FLYWCH1: variants seen among roughly 807,000 people sequenced by gnomAD.
FLYWCH1 encodes the protein FLYWCH-type zinc finger-containing protein 1.
In FLYWCH1, 75 loss-of-function variants were observed where a neutral mutation model predicts 66.4. That is an observed-to-expected ratio of 1.13 (90% CI 0.94 to 1.37). The LOEUF is 1.37. Ranked by LOEUF, FLYWCH1 falls within the 40% of genes most tolerant of loss-of-function variation. FLYWCH1 has a pLI of 0.00. For missense variants in FLYWCH1, 1,334 were observed against 1,001.8 expected (o/e 1.33, Z -4.48); for synonymous variants, 595 against 429.9 (o/e 1.38, Z -4.75).
rs145780938 is a variant in FLYWCH1 at position 2,923,803 on chromosome 16, T to A, written c.-73-5810T>A. ...CTGTAATCCCCGCACTTTGGAAGGC[T>A]GAGGCGGGTGGATCACTTGAGGTCA... On this transcript the variant is annotated intron_variant, in intron 2 of 9. Coordinates refer to ENST00000253928, the MANE Select transcript of FLYWCH1 (RefSeq NM_001308068.2). 6.9e-3 allele frequency among the ~76,000 whole-genome samples: 1,047 copies of A among 152,128 alleles called. 12 individuals carry two copies. Among genetic ancestry groups the A allele is most frequent in the African/African-American group, 0.024 (1,007 of 41,518 alleles).
rs1480055770 is a variant in FLYWCH1 at position 2,937,202 on chromosome 16, C to T, written c.1595C>T (p.Ala532Val). 7.2e-6 allele frequency: 11 copies of T among 1,518,124 alleles called. No individual in the cohort carries two copies. Among genetic ancestry groups the T allele is most frequent in the African/African-American group, 1.6e-5 (1 of 63,216 alleles). The allele number at this position is 1,518,124 out of a possible 1,614,324, so 94.0% of individuals were successfully genotyped here. ...ESFLYRREKA[A>V]GEKVYWTCRD... is the part of the protein sequence containing the mutation. ...TTCCTCTACCGGCGGGAGAAGGCGG[C>T]CGGGGAGAAGGTGTATTGGACCTGC... The change falls in exon 7 of 10, where the codon GCC becomes GTC. Residue 532 changes from alanine (A) to valine (V), a missense_variant. By Grantham distance (64) the Ala-to-Val change is moderately conservative (BLOSUM62 0). Transcript: ENST00000253928.
intron 2 of FLYWCH1, among the ~76,000 whole-genome samples, chr16:2,919,704 ACT>A (rs2070301810): frequency 6.6e-6 from 1 of 152,122 alleles, no homozygotes; most frequent in South Asian, 2.1e-4. Flanking sequence ...TCGAAGTACT[ACT>A]TTTTGTAAAT....
intron 2 of FLYWCH1, 43 bp from the exon 3 acceptor site, chr16:2,929,570 C>A (rs11640057): frequency 0.043 from 58,416 of 1,351,262 alleles, 1,508 homozygotes; most frequent in Middle Eastern, 0.079. Flanking sequence ...CTAGAGTCCC[C>A]CAAGGGCTTC....
chr16:2,936,989 T>G, intron 6 of FLYWCH1, 132 bp from the exon 7 acceptor site: 1 of 875,846 alleles, frequency 1.1e-6, no homozygotes, highest in Non-Finnish European at 1.5e-6. Flanking sequence ...GTGGCATCTG[T>G]GTCCTGGGCT....
At chr16:2,919,993 G>A (rs1171198972) in intron 2 of FLYWCH1, among the ~76,000 whole-genome samples, 1 of 152,130 alleles carries the variant, frequency 6.6e-6, no homozygotes, top group Non-Finnish European at 1.5e-5. Flanking sequence ...TACAGTAGCA[G>A]ACATGATTGA....
At position 2,948,965 on chromosome 16, in the gene FLYWCH1, G is replaced by T. The variant is rs1596412460; in HGVS notation, c.*238G>T. ...TGCAGACGCAGCTGTCGTGGGGCAG[G>T]GCGGTGGCGCCTTCCTGACCTTTGG... is the stretch of plus-strand genomic sequence containing the variant. On this transcript the variant is annotated 3_prime_UTR_variant, in exon 10 of 10. Coordinates refer to ENST00000253928, the MANE Select transcript of FLYWCH1 (RefSeq NM_001308068.2). 2.2e-5 allele frequency: 12 copies of T among 536,648 alleles called. No homozygotes were observed. In the East Asian group the frequency reaches 3.8e-4, roughly 17 times the overall value. 33.2% of individuals were successfully genotyped at this position (536,648 alleles called of 1,614,324 possible).
rs991360445 is a variant in FLYWCH1 at position 2,934,053 on chromosome 16, C to T, written c.1513+74C>T. The T allele has an allele frequency of 5.6e-6, 8 of 1,424,370 alleles. No individual in the cohort carries two copies. The Admixed American group carries it at 2.1e-4, about 37-fold the overall frequency. 88.2% of individuals were successfully genotyped at this position (1,424,370 alleles called of 1,614,324 possible). On this transcript the variant is annotated intron_variant, in intron 6 of 9. Transcript: ENST00000253928. The stretch of plus-strand genomic sequence containing the variant: ...CCCACACTGCCTTTCCCTCTCCATG[C>T]TGCGGCTCCCCCTGGCAAACGTCCT...
chr16:2,931,305 T>TAAAAAAAAA (rs150704073), intron 4 of FLYWCH1, among the ~76,000 whole-genome samples: 1 of 87,466 alleles, frequency 1.1e-5, no homozygotes, highest in African/African-American at 4.8e-5. Context: ...TCCATCTCAG[T>TAAAAAAAAA]AAAAAAAAAA....
chr16:2,930,081 C>T (rs2070708886), intron 3 of FLYWCH1, 71 bp downstream of exon 3: 1 of 1,331,762 alleles, frequency 7.5e-7, no homozygotes, highest in Non-Finnish European at 1.0e-6. Context: ...CCCTGTACAC[C>T]CTGCTTCAAG....
Position 2,912,168 on chromosome 16 carries a change from C to T in FLYWCH1, c.-188+14C>T, listed in dbSNP as rs1190366923. The T allele has an allele frequency of 6.6e-6, 1 of 152,216 alleles. No individual in the cohort carries two copies. The highest frequency in any genetic ancestry group is 1.5e-5 in the Non-Finnish European group (1 of 68,056). 9.4% of individuals were successfully genotyped at this position (152,216 alleles called of 1,614,324 possible). On this transcript the variant is annotated intron_variant, in intron 1 of 9. Coordinates refer to ENST00000253928, the MANE Select transcript of FLYWCH1 (RefSeq NM_001308068.2). ...CCGCTGCCGTCGGTGAGGACAGGCC[C>T]CTGCGGGCGGGGAATGTCCCGCGTC... is the stretch of plus-strand genomic sequence containing the variant.
rs2070733286 is a variant in FLYWCH1, at chr16:2,930,736, G to T, written c.652G>T (p.Gly218Trp). 1.3e-6 allele frequency: 2 copies of T among 1,554,914 alleles called. No homozygotes were observed. The highest frequency in any genetic ancestry group is 2.7e-5 in the African/African-American group (2 of 73,410). Reference protein sequence around the residue: ...PGGRVEEPLEGVGPWQCPEEP... With the variant: ...PGGRVEEPLEWVGPWQCPEEP... ...AGGCCGAGTGGAGGAGCCCCTGGAG[G>T]GGGTGGGCCCGTGGCAGTGCCCTGA... The change falls in exon 4 of 10, where the codon GGG becomes TGG. Residue 218 changes from glycine to tryptophan, a missense_variant. Physicochemically the swap from Gly to Trp is radical, Grantham distance 184 (BLOSUM62 -2). Coordinates refer to ENST00000253928, the MANE Select transcript of FLYWCH1 (RefSeq NM_001308068.2).
intron 2 of FLYWCH1, among the ~76,000 whole-genome samples, chr16:2,924,911 G>A (rs1023542167): frequency 1.2e-4 from 18 of 152,322 alleles, no homozygotes; most frequent in Admixed American, 2.0e-4. Context: ...GTGGGAAGTG[G>A]TCGCCAGAGG....
At chr16:2,948,402 A>G (rs532230905) in intron 9 of FLYWCH1, among the ~76,000 whole-genome samples, 5 of 151,812 alleles carry the variant, frequency 3.3e-5, no homozygotes, top group Admixed American at 1.3e-4. Flanking sequence ...CTAATAAAAT[A>G]CAAAAAAAAA....
At chr16:2,942,320 C>T (rs1418211984) in intron 9 of FLYWCH1, among the ~76,000 whole-genome samples, 1 of 151,664 alleles carries the variant, frequency 6.6e-6, no homozygotes, top group Non-Finnish European at 1.5e-5. Flanking sequence ...GCTAATTTTT[C>T]TATTTTTAGT....
At chr16:2,937,519 G>T in intron 7 of FLYWCH1, 135 bp downstream of exon 7, 3 of 1,093,780 alleles carry the variant, frequency 2.7e-6, no homozygotes, top group Non-Finnish European at 3.7e-6. Flanking sequence ...AACTCCCCAG[G>T]GGCAGGAGGC....
chr16:2,939,412 C>T (rs149815420), intron 8 of FLYWCH1, among the ~76,000 whole-genome samples: 2,257 of 150,908 alleles, frequency 0.015, 18 homozygotes, highest in Middle Eastern at 0.028. Context: ...GCCAAGATCG[C>T]GCCACTGCCC....
chr16:2,912,248 G>C (rs2150864263), intron 1 of FLYWCH1, 94 bp downstream of exon 1: 1 of 152,508 alleles, frequency 6.6e-6, no homozygotes, highest in African/African-American at 2.4e-5. Flanking sequence ...AGGGTTGCGG[G>C]TGCTGGGGAG....
In FLYWCH1 at chr16:2,945,481, A is replaced by G. The variant is rs577710950; in HGVS notation, c.2112-3207A>G. Among the ~76,000 whole-genome samples, 583 of 91,038 alleles carry G rather than the reference A, an allele frequency of 6.4e-3. 5 individuals are homozygous for G. Among genetic ancestry groups the G allele is most frequent in the African/African-American group, 0.029 (553 of 19,068 alleles). The allele number at this position is 91,038 out of a possible 152,430, so 59.7% of individuals were successfully genotyped here. A position where few individuals can be genotyped will look rare whatever the true frequency, so the allele number is the denominator to read the frequency against. On this transcript the variant is annotated intron_variant, in intron 9 of 9. Transcript: ENST00000253928. Reference sequence around the variant, plus strand: ...CAGCCTGGTGGCAGAGCGAGACTCCATCTCAAAAAAAAAAAAAAAAAAAAA... The same window carrying G: ...CAGCCTGGTGGCAGAGCGAGACTCCGTCTCAAAAAAAAAAAAAAAAAAAAA...
At chr16:2,922,786 C>T (rs1432524513) in intron 2 of FLYWCH1, 4 of 521,976 alleles carry the variant, frequency 7.7e-6, no homozygotes, top group South Asian at 2.8e-5. Context: ...TCACAGAGTT[C>T]TTCACAGCCT....
Sources: gnomAD v4.1 joint callset for allele counts (sites outside exome capture counted in the v4.1 genomes callset) on GRCh38, gnomAD v4.1.1 for gene constraint, MANE v1.5 for transcripts, NCBI Gene and HGNC (gene_info 2026-07-23, HGNC 2026-07-21) for gene names.